Variants in DENND1B observed in about 807,000 individuals in gnomAD.
The protein encoded by DENND1B is DENN domain containing 1B, also known as DENN domain-containing protein 1B.
A neutral mutation model predicts 90.1 loss-of-function variants in DENND1B; 59 were observed. The ratio of observed to expected loss-of-function variants is 0.65; its 90% CI spans 0.53 to 0.81. The LOEUF is 0.81. DENND1B is among the 40% of genes least tolerant of loss of function. DENND1B has a pLI of 0.00. For synonymous variants in DENND1B, 337 were observed against 324.6 expected (o/e 1.04, Z -0.41); for missense variants, 862 against 912.6 (o/e 0.94, Z 0.71).
chr1:197,569,001 T>G (rs2125725971), intron 15 of DENND1B, among the ~76,000 whole-genome samples: 1 of 152,160 alleles, frequency 6.6e-6, no homozygotes, highest in South Asian at 2.1e-4. Context: ...AGACAATCTC[T>G]GCAATGGGAG....
At chr1:197,550,675 G>T (rs59643227) in intron 16 of DENND1B, among the ~76,000 whole-genome samples, 7 of 6,374 alleles carry the variant, frequency 1.1e-3, no homozygotes, top group African/African-American at 2.6e-3. Context: ...GGTGAGGGGG[G>T]GGGGGAGGGA....
Position 197,626,399 on chromosome 1 carries a change from G to A in DENND1B, c.673-8640C>T, listed in dbSNP as rs569584120. Among the ~76,000 whole-genome samples, 4 of 152,212 alleles carry A rather than the reference G, an allele frequency of 2.6e-5. No homozygotes were observed. In the South Asian group the frequency reaches 6.2e-4, roughly 24 times the overall value. ...AAAACCACTCAACTACATGGAAACT[G>A]AACAACCTGCTCCTGAATGACTACT... is the stretch of plus-strand genomic sequence containing the variant. On this transcript the variant is annotated intron_variant, in intron 10 of 22. Transcript: ENST00000620048.
intron 10 of DENND1B, among the ~76,000 whole-genome samples, chr1:197,629,383 T>C (rs1037475177): frequency 6.6e-6 from 1 of 151,920 alleles, no homozygotes; most frequent in Non-Finnish European, 1.5e-5. Flanking sequence ...TGTAGGGACA[T>C]GGATGAAACT....
chr1:197,778,729 T>G (rs1400619528), upstream of DENND1B, among the ~76,000 whole-genome samples: 1 of 152,076 alleles, frequency 6.6e-6, no homozygotes, highest in Non-Finnish European at 1.5e-5. Flanking sequence ...TTAAATCTAT[T>G]TCTGCCATCT....
Position 197,540,958 on chromosome 1 carries a change from C to T in DENND1B, c.1407+1G>A, listed in dbSNP as rs868251149. 1.9e-6 allele frequency: 3 copies of T among 1,610,586 alleles called. No homozygotes were observed. The highest frequency in any genetic ancestry group is 2.5e-6 in the Non-Finnish European group (3 of 1,178,250). On this transcript the variant is annotated splice_donor_variant, in intron 19 of 22. Coordinates refer to ENST00000620048, the MANE Select transcript of DENND1B (RefSeq NM_001195215.2). LOFTEE classifies it high-confidence loss of function. ...AATGGAAAAAAATGAATATGACATA[C>T]CTTGTGTTTTAGTTTACTCTTCACT...
At position 197,507,136 on chromosome 1, in the gene DENND1B, T is replaced by C. The variant is rs1472223022; in HGVS notation, c.*3324A>G. On this transcript the variant is annotated 3_prime_UTR_variant, in exon 23 of 23. Coordinates refer to ENST00000620048, the MANE Select transcript of DENND1B (RefSeq NM_001195215.2). ...TGTGTTAGAATCTCAGCTAATAACT[T>C]CCAGGCAAAACACATTATTATTATT... 1 of 149,660 alleles carries C rather than the reference T, an allele frequency of 6.7e-6. No individual in the cohort carries two copies. The highest frequency in any genetic ancestry group is 1.5e-5 in the Non-Finnish European group (1 of 67,174). The allele number at this position is 149,660 out of a possible 1,614,324, so 9.3% of individuals were successfully genotyped here.
At chr1:197,630,604 A>G (rs1453756509) in intron 10 of DENND1B, among the ~76,000 whole-genome samples, 2 of 152,156 alleles carry the variant, frequency 1.3e-5, no homozygotes, top group African/African-American at 4.8e-5. Flanking sequence ...AACTATTTCC[A>G]TCATACCCAA....
chr1:197,653,337 C>A (rs1203324482), intron 6 of DENND1B, among the ~76,000 whole-genome samples: 1 of 151,974 alleles, frequency 6.6e-6, no homozygotes, highest in African/African-American at 2.4e-5. Context: ...GCAAGGACTG[C>A]AAAATAAACA....
At position 197,566,743 on chromosome 1, in the gene DENND1B, C is replaced by T. The variant is rs149202851; in HGVS notation, c.1150-13631G>A. ...ACAACACAAGAAGGAGCCAAACAAA[C>T]CAACAAATATCATATGGTGCTAAAA... is the stretch of plus-strand genomic sequence containing the variant. On this transcript the variant is annotated intron_variant, in intron 15 of 22. Coordinates refer to ENST00000620048, the MANE Select transcript of DENND1B (RefSeq NM_001195215.2). 2.9e-3 allele frequency among the ~76,000 whole-genome samples: 445 copies of T among 151,562 alleles called. 1 individual carries two copies. Among genetic ancestry groups the T allele is most frequent in the African/African-American group, 0.01 (430 of 41,346 alleles).
At position 197,627,014 on chromosome 1, in the gene DENND1B, T is replaced by C. The variant is rs1196686201; in HGVS notation, c.673-9255A>G. Among the ~76,000 whole-genome samples the C allele has an allele frequency of 2.6e-5, 4 of 151,994 alleles. No individual in the cohort carries two copies. The South Asian group carries it at 8.3e-4, about 32-fold the overall frequency. ...ATCTCTGAATAGACCAATAACAGGA[T>C]CTGAAATTGTGGCAATAATCAGTAG... is the stretch of plus-strand genomic sequence containing the variant. On this transcript the variant is annotated intron_variant, in intron 10 of 22. Coordinates refer to ENST00000620048, the MANE Select transcript of DENND1B (RefSeq NM_001195215.2).
chr1:197,676,453 C>T (rs533612994), intron 3 of DENND1B, among the ~76,000 whole-genome samples: 112 of 152,148 alleles, frequency 7.4e-4, no homozygotes, highest in African/African-American at 2.6e-3. Flanking sequence ...CACGCACACA[C>T]GAAATCCTAG....
At chr1:197,611,056 G>A (rs138615624) in intron 12 of DENND1B, among the ~76,000 whole-genome samples, 2 of 150,880 alleles carry the variant, frequency 1.3e-5, no homozygotes, top group Non-Finnish European at 3.0e-5. Flanking sequence ...TTTGATCAAA[G>A]TAAGGACTGA....
chr1:197,623,671 C>G (rs999093686), intron 10 of DENND1B, among the ~76,000 whole-genome samples: 5 of 151,400 alleles, frequency 3.3e-5, no homozygotes, highest in Admixed American at 3.3e-4. Flanking sequence ...CTCACACACC[C>G]ATGGCTTCCT....
chr1:197,537,899 G>A (rs560883186), intron 20 of DENND1B, among the ~76,000 whole-genome samples: 7 of 151,606 alleles, frequency 4.6e-5, no homozygotes, highest in Admixed American at 6.6e-5. Flanking sequence ...TGTTCTTCCC[G>A]CAAAAAATGT....
intron 2 of DENND1B, among the ~76,000 whole-genome samples, chr1:197,765,686 C>T (rs1292520513): frequency 6.6e-6 from 1 of 152,208 alleles, no homozygotes; most frequent in African/African-American, 2.4e-5. Context: ...TTAAAGCATA[C>T]CACTGTGAAA....
intron 5 of DENND1B, among the ~76,000 whole-genome samples, chr1:197,669,846 A>G (rs1334275408): frequency 6.6e-6 from 1 of 152,086 alleles, no homozygotes; most frequent in African/African-American, 2.4e-5. Context: ...TAATACTGTG[A>G]AATGTTCTCT....
chr1:197,755,432 A>G, intron 2 of DENND1B, among the ~76,000 whole-genome samples: 1 of 151,680 alleles, frequency 6.6e-6, no homozygotes, highest in East Asian at 1.9e-4. Flanking sequence ...GCCCAACAGA[A>G]AAAAAAAATA....
chr1:197,766,343 C>A (rs1238688853), intron 2 of DENND1B, among the ~76,000 whole-genome samples: 1 of 152,190 alleles, frequency 6.6e-6, no homozygotes, highest in Non-Finnish European at 1.5e-5. Context: ...CACAAAGTTA[C>A]AGCAAAAACA....
chr1:197,633,784 G>C (rs552494969), intron 10 of DENND1B, among the ~76,000 whole-genome samples: 2 of 152,254 alleles, frequency 1.3e-5, no homozygotes, highest in East Asian at 1.9e-4. Flanking sequence ...GATTACTGGA[G>C]TGTACAATTT....
Sources: allele counts gnomAD v4.1 joint callset (sites outside exome capture counted in the v4.1 genomes callset), GRCh38; gene constraint gnomAD v4.1.1; transcripts MANE v1.5; gene names NCBI Gene and HGNC (gene_info 2026-07-23, HGNC 2026-07-21).